USP28: variants seen among roughly 807,000 people sequenced by gnomAD.
USP28 encodes ubiquitin specific peptidase 28.
In USP28, 113 loss-of-function variants were observed where a neutral mutation model predicts 145.0. The ratio of observed to expected loss-of-function variants is 0.78; its 90% CI spans 0.67 to 0.91. The LOEUF (loss-of-function observed/expected upper bound fraction) is 0.91, where lower values mean the gene tolerates loss of function less well. USP28 is among the 40% of genes least tolerant of loss of function. The pLI is 0.00. For synonymous variants in USP28, 447 were observed against 450.9 expected, an observed-to-expected ratio of 0.99 and a Z score of 0.11; for missense variants, 1,201 against 1,289.6, an observed-to-expected ratio of 0.93 and a Z score of 1.05.
intron 3 of USP28, among the ~76,000 whole-genome samples, chr11:113,843,417 A>G (rs1318868154): frequency 1.3e-5 from 2 of 152,212 alleles, no homozygotes; most frequent in African/African-American, 4.8e-5. Flanking sequence ...CATGCCTATA[A>G]TCCCAGCACT....
chr11:113,803,800 T>A, exon 22 of USP28: 1 of 1,612,970 alleles, frequency 6.2e-7, no homozygotes, highest in Non-Finnish European at 8.5e-7. Context: ...CAACATACTT[T>A]CCTTTTTGAT....
chr11:113,829,143 C>G, intron 10 of USP28, 54 bp downstream of exon 10: 2 of 1,597,126 alleles, frequency 1.3e-6, no homozygotes, highest in Non-Finnish European at 1.7e-6. Flanking sequence ...CAAAAGCTCA[C>G]TCCTACTTAA....
rs576378968 is a variant in USP28, at chr11:113,807,950, C to T, written c.2304+348G>A. On this transcript the variant is annotated intron_variant, in intron 18 of 24. Transcript: ENST00000003302. ...ACTATATCCTGCACTCATCTCTGTA[C>T]CTCCTCATCATATCCATCTGCATCA... The T allele has an allele frequency of 2.7e-6, 3 of 1,106,812 alleles. No homozygotes were observed. Among genetic ancestry groups the T allele is most frequent in the Non-Finnish European group, 3.3e-6 (3 of 897,482 alleles). 68.6% of individuals were successfully genotyped at this position (1,106,812 alleles called of 1,614,324 possible). A position where few individuals can be genotyped will look rare whatever the true frequency, so the allele number is the denominator to read the frequency against.
intron 1 of USP28, among the ~76,000 whole-genome samples, chr11:113,872,056 TTCTGAGCACCGAGTC>T (rs1292819885): frequency 6.6e-6 from 1 of 152,222 alleles, no homozygotes; most frequent in Non-Finnish European, 1.5e-5. Context: ...CTATGTTAAG[TTCTGAGCACCGAGTC>T]TGGCACATAG....
intron 3 of USP28, 93 bp downstream of exon 3, chr11:113,852,408 G>A (rs112474491): frequency 7.4e-6 from 11 of 1,490,388 alleles, no homozygotes; most frequent in African/African-American, 2.8e-5. Flanking sequence ...TATTTTCAAA[G>A]GGCTGATGTG....
chr11:113,803,646 G>T, intron 22 of USP28, 152 bp downstream of exon 23: 1 of 633,894 alleles, frequency 1.6e-6, no homozygotes, highest in Non-Finnish European at 2.8e-6. Context: ...GTGATGTTTA[G>T]AGCAAAACCA....
At chr11:113,806,126 T>TG (rs1158936622) in intron 19 of USP28, among the ~76,000 whole-genome samples, 1 of 151,866 alleles carries the variant, frequency 6.6e-6, no homozygotes, top group East Asian at 1.9e-4. Context: ...TTAGTAGAGA[T>TG]GGGGGTCTCA....
At chr11:113,801,152 A>AT (rs1938943178) in intron 24 of USP28, among the ~76,000 whole-genome samples, 1 of 152,106 alleles carries the variant, frequency 6.6e-6, no homozygotes, top group East Asian at 1.9e-4. Flanking sequence ...TCAGATTTTG[A>AT]TTTTTAAACT....
chr11:113,813,851 G>A, intron 15 of USP28, 34 bp downstream of exon 15: 1 of 1,562,780 alleles, frequency 6.4e-7, no homozygotes. Flanking sequence ...ATTAGCACAT[G>A]CCTTGACTAC....
intron 1 of USP28, among the ~76,000 whole-genome samples, chr11:113,861,719 AC>A (rs768674453): frequency 2.0e-5 from 3 of 152,316 alleles, no homozygotes; most frequent in Non-Finnish European, 4.4e-5. Context: ...TTGTCTATGC[AC>A]ATGAATATAT....
At chr11:113,817,955 T>C (rs1942000091) in intron 12 of USP28, 118 bp from the exon 13 acceptor site, 8 of 1,076,416 alleles carry the variant, frequency 7.4e-6, no homozygotes, top group Non-Finnish European at 9.4e-6. Context: ...CTAGAGGCTA[T>C]ACAATATTTA....
At chr11:113,836,223 C>T (rs1168142051) in intron 5 of USP28, among the ~76,000 whole-genome samples, 1 of 152,186 alleles carries the variant, frequency 6.6e-6, no homozygotes, top group African/African-American at 2.4e-5. Flanking sequence ...CCCCCAGTCA[C>T]CAAAGTTTAG....
At chr11:113,808,026 A>G in intron 18 of USP28, 1 of 1,249,176 alleles carries the variant, frequency 8.0e-7, no homozygotes, top group Non-Finnish European at 1.0e-6. Context: ...CAGAGACCTC[A>G]GAATTAGGCT....
At chr11:113,859,653 A>T (rs1334634980) in intron 1 of USP28, among the ~76,000 whole-genome samples, 1 of 152,012 alleles carries the variant, frequency 6.6e-6, no homozygotes, top group African/African-American at 2.4e-5. Context: ...ACCCATCAGG[A>T]TCCTACCATA....
intron 11 of USP28, among the ~76,000 whole-genome samples, chr11:113,824,791 C>T (rs959006020): frequency 4.0e-5 from 6 of 151,544 alleles, no homozygotes; most frequent in African/African-American, 7.3e-5. Flanking sequence ...ATTAGCTGGG[C>T]GTTGTGGCAC....
chr11:113,861,187 C>G (rs1007115995), intron 1 of USP28, among the ~76,000 whole-genome samples: 9 of 151,568 alleles, frequency 5.9e-5, no homozygotes, highest in South Asian at 2.1e-4. Context: ...TTCCAACCTC[C>G]ATAAAACAAG....
chr11:113,835,260 T>C (rs1373115692), intron 5 of USP28: 1 of 455,872 alleles, frequency 2.2e-6, no homozygotes, highest in Non-Finnish European at 4.4e-6. Flanking sequence ...ATACAACTCC[T>C]CATCCCAACA....
intron 3 of USP28, among the ~76,000 whole-genome samples, chr11:113,843,018 G>A (rs1242349814): frequency 6.6e-6 from 1 of 151,880 alleles, no homozygotes; most frequent in Non-Finnish European, 1.5e-5. Context: ...ATCAGTTGAG[G>A]TCAGGAGTTT....
At chr11:113,856,863 C>A (rs1453092235) in intron 1 of USP28, among the ~76,000 whole-genome samples, 1 of 152,086 alleles carries the variant, frequency 6.6e-6, no homozygotes, top group Admixed American at 6.6e-5. Flanking sequence ...CAGGTGTGAG[C>A]CACCACACCC....
Sources: gnomAD v4.1 joint callset for allele counts (sites outside exome capture counted in the v4.1 genomes callset) on GRCh38, gnomAD v4.1.1 for gene constraint, MANE v1.5 for transcripts, NCBI Gene and HGNC (gene_info 2026-07-23, HGNC 2026-07-21) for gene names.